The following RTL4 variants were observed in gnomAD, a reference collection of about 807,000 sequenced individuals.
RTL4 encodes retrotransposon Gag-like protein 4.
A neutral mutation model predicts 5.3 loss-of-function variants in RTL4; 4 were observed. The observed-to-expected ratio is 0.75, with a 90% CI of 0.37 to 1.72. The LOEUF (loss-of-function observed/expected upper bound fraction) is 1.72, where lower values mean the gene tolerates loss of function less well. Ranked by LOEUF, RTL4 falls within the 40% of genes most tolerant of loss-of-function variation. RTL4 has a pLI of 0.04. For missense variants in RTL4, 260 were observed against 227.1 expected (o/e 1.14, Z -0.93); for synonymous variants, 98 against 87.3 (o/e 1.12, Z -0.68).
chrX:112,107,277 C>A, the RTL4 span, among the ~76,000 whole-genome samples: 5 of 111,653 alleles, frequency 4.5e-5, no homozygotes, highest in Non-Finnish European at 9.4e-5. Flanking sequence ...TATATTTTAA[C>A]AAATTTTTGT....
At chrX:112,247,574 C>T in the RTL4 span, among the ~76,000 whole-genome samples, 1 of 112,088 alleles carries the variant, frequency 8.9e-6, no homozygotes, top group Non-Finnish European at 1.9e-5. Context: ...CAAGACAATA[C>T]TTTAAGGATA....
At chrX:112,358,205 A>T in the RTL4 span, among the ~76,000 whole-genome samples, 1 of 109,709 alleles carries the variant, frequency 9.1e-6, no homozygotes, top group African/African-American at 3.3e-5. Context: ...GGTTCAGGTG[A>T]TCCTCCCATC....
chrX:112,352,568 C>T, the RTL4 span, among the ~76,000 whole-genome samples: 1 of 111,068 alleles, frequency 9.0e-6, no homozygotes, highest in East Asian at 2.9e-4. Context: ...CTGACAAAAA[C>T]AAGAAATGGG....
the RTL4 span, among the ~76,000 whole-genome samples, chrX:112,219,115 AG>A: frequency 9.0e-6 from 1 of 111,692 alleles, no homozygotes; most frequent in Non-Finnish European, 1.9e-5. Context: ...GTTCTAGAGC[AG>A]TGATCTCCAA....
the RTL4 span, among the ~76,000 whole-genome samples, chrX:112,174,711 G>C: frequency 1.2e-5 from 1 of 86,461 alleles, no homozygotes; most frequent in Non-Finnish European, 2.3e-5. Context: ...GTGTAAAAGT[G>C]TTCCTATTTC....
chrX:112,431,592 G>C, the RTL4 span, among the ~76,000 whole-genome samples: 1 of 111,585 alleles, frequency 9.0e-6, no homozygotes, highest in Non-Finnish European at 1.9e-5. Context: ...CTCTCCATCT[G>C]CCTGTCTGTC....
chrX:112,406,599 G>C, the RTL4 span, among the ~76,000 whole-genome samples: 1 of 111,055 alleles, frequency 9.0e-6, no homozygotes, highest in Non-Finnish European at 1.9e-5. Context: ...ATGTGATTTG[G>C]TGGGAAAACA....
At chrX:112,160,153 C>T in the RTL4 span, among the ~76,000 whole-genome samples, 1 of 112,176 alleles carries the variant, frequency 8.9e-6, no homozygotes, top group African/African-American at 3.2e-5. Flanking sequence ...TACATCTTGC[C>T]TATCAGTATG....
chrX:112,366,018 G>A, the RTL4 span, among the ~76,000 whole-genome samples: 2 of 111,131 alleles, frequency 1.8e-5, no homozygotes, highest in African/African-American at 3.3e-5. Flanking sequence ...CTTAGTTTCT[G>A]CTTTGAGCTG....
the RTL4 span, among the ~76,000 whole-genome samples, chrX:112,241,624 A>G: frequency 1.8e-5 from 2 of 111,531 alleles, no homozygotes; most frequent in African/African-American, 6.5e-5. Flanking sequence ...CATTGCACAA[A>G]TTTTCTCCCA....
the RTL4 span, among the ~76,000 whole-genome samples, chrX:112,396,018 C>G: frequency 2.8e-4 from 31 of 110,240 alleles, no homozygotes; most frequent in Non-Finnish European, 5.1e-4. Context: ...ACTCCAAGAT[C>G]CTATCTACTA....
chrX:112,387,657 T>G, the RTL4 span, among the ~76,000 whole-genome samples: 14 of 112,100 alleles, frequency 1.2e-4, no homozygotes, highest in Non-Finnish European at 5.6e-5. Flanking sequence ...TCAGCACCAT[T>G]TATTGAATAA....
chrX:112,178,677 C>A, the RTL4 span, among the ~76,000 whole-genome samples: 1 of 111,781 alleles, frequency 8.9e-6, no homozygotes, highest in Non-Finnish European at 1.9e-5. Context: ...TTATGATTAT[C>A]TCATCTGTGA....
the RTL4 span, among the ~76,000 whole-genome samples, chrX:112,165,059 G>A: frequency 9.0e-6 from 1 of 111,458 alleles, no homozygotes; most frequent in Non-Finnish European, 1.9e-5. Flanking sequence ...CACCAGGGGT[G>A]TCTCCTCCTC....
chrX:112,101,138 A>G, the RTL4 span, among the ~76,000 whole-genome samples: 1 of 112,090 alleles, frequency 8.9e-6, no homozygotes, highest in Non-Finnish European at 1.9e-5. Flanking sequence ...ACCACAAAGG[A>G]AACAATATAT....
At chrX:112,427,363 C>A in the RTL4 span, among the ~76,000 whole-genome samples, 1 of 110,861 alleles carries the variant, frequency 9.0e-6, no homozygotes, top group Admixed American at 9.6e-5. Context: ...TCAAGAGATG[C>A]AGAAAAGCAG....
chrX:112,088,436 A>G, the RTL4 span, among the ~76,000 whole-genome samples: 1 of 111,850 alleles, frequency 8.9e-6, no homozygotes, highest in Non-Finnish European at 1.9e-5. Flanking sequence ...TAGATATAAT[A>G]TATTTCACTT....
chrX:112,308,205 C>G, the RTL4 span, among the ~76,000 whole-genome samples: 10 of 111,263 alleles, frequency 9.0e-5, no homozygotes, highest in East Asian at 2.8e-3. Context: ...GGTCTCGAAT[C>G]TACTACCTAG....
the RTL4 span, among the ~76,000 whole-genome samples, chrX:112,302,240 G>C: frequency 3.1e-5 from 3 of 95,734 alleles, no homozygotes; most frequent in Non-Finnish European, 6.1e-5. Flanking sequence ...CAGCCTGGGC[G>C]ACAGAGCAAG....
Sources: gnomAD v4.1 joint callset for allele counts (sites outside exome capture counted in the v4.1 genomes callset) on GRCh38, gnomAD v4.1.1 for gene constraint, MANE v1.5 for transcripts, NCBI Gene and HGNC (gene_info 2026-07-23, HGNC 2026-07-21) for gene names.